The following GSTO1 variants were observed in gnomAD, a reference collection of about 807,000 sequenced individuals.
GSTO1 encodes glutathione S-transferase omega 1, also known as glutathione S-transferase omega-1.
Under a neutral mutation model 23.8 loss-of-function variants are expected in GSTO1, and 27 were observed. The observed-to-expected ratio is 1.13, with a 90% CI of 0.83 to 1.56. GSTO1 has a LOEUF of 1.56. GSTO1 is among the 40% of genes most tolerant of loss of function. The pLI, the probability that GSTO1 is intolerant of heterozygous loss-of-function variation, is 0.00. For missense variants in GSTO1, 255 were observed against 285.8 expected (o/e 0.89, Z 0.78); for synonymous variants, 105 against 109.3 (o/e 0.96, Z 0.25).
At chr10:104,256,357 C>T (rs1268184069) in intron 2 of GSTO1, among the ~76,000 whole-genome samples, 1 of 152,100 alleles carries the variant, frequency 6.6e-6, no homozygotes, top group African/African-American at 2.4e-5. Context: ...TTTTGGTACT[C>T]ATTTATTTGA....
chr10:104,260,885 G>T (rs1219434424), intron 3 of GSTO1, among the ~76,000 whole-genome samples: 1 of 152,332 alleles, frequency 6.6e-6, no homozygotes, highest in African/African-American at 2.4e-5. Flanking sequence ...AGAGGCGGCT[G>T]CTGTGAAAGA....
At chr10:104,260,949 G>A (rs2011134371) in intron 3 of GSTO1, among the ~76,000 whole-genome samples, 1 of 152,150 alleles carries the variant, frequency 6.6e-6, no homozygotes, top group Non-Finnish European at 1.5e-5. Context: ...GTTTTACAAA[G>A]TAGTAACAAG....
intron 5 of GSTO1, among the ~76,000 whole-genome samples, chr10:104,266,820 G>A (rs569017384): frequency 5.3e-5 from 8 of 152,026 alleles, no homozygotes; most frequent in South Asian, 2.1e-4. Flanking sequence ...CCCATTTACC[G>A]TAAGATTTCC....
rs188565725 is a variant in GSTO1 at position 104,261,080 on chromosome 10, A to G, written c.366+1282A>G. On this transcript the variant is annotated intron_variant, in intron 3 of 5. Transcript: ENST00000369713. ...CCAGTTCTGGAAAACTTTTTTTAGT[A>G]TGGCTGGAATATAAAGTGTCAGGAG... Among the ~76,000 whole-genome samples the G allele has an allele frequency of 4.1e-3, 628 of 152,338 alleles. 7 individuals carry two copies. Among genetic ancestry groups the G allele is most frequent in the African/African-American group, 0.015 (610 of 41,576 alleles).
At chr10:104,261,216 G>C (rs773316387) in intron 3 of GSTO1, among the ~76,000 whole-genome samples, 5 of 152,140 alleles carry the variant, frequency 3.3e-5, no homozygotes, top group Non-Finnish European at 7.4e-5. Context: ...TAGACATGAA[G>C]CTTTACTTTC....
At position 104,259,723 on chromosome 10, in the gene GSTO1, C is replaced by T. The variant is rs1373009716; in HGVS notation, c.291C>T (p.Tyr97=). The T allele has an allele frequency of 2.5e-6, 4 of 1,612,874 alleles. No homozygotes were observed. The change falls in exon 3 of 6, where the codon TAC becomes TAT. Residue 97 remains tyrosine (Y), a synonymous_variant. Coordinates refer to ENST00000369713, the MANE Select transcript of GSTO1 (RefSeq NM_004832.3). Reference sequence around the variant, plus strand: ...CCTGTGAGTACCTGGATGAAGCATACCCAGGGAAGAAGCTGTTGCCGGATG... The same window carrying T: ...CCTGTGAGTACCTGGATGAAGCATATCCAGGGAAGAAGCTGTTGCCGGATG... ...AITCEYLDEA[Y]PGKKLLPDDP...
upstream of GSTO1, chr10:104,254,813 C>T (rs1296673766): frequency 9.9e-7 from 1 of 1,011,316 alleles, no homozygotes; most frequent in Non-Finnish European, 1.5e-6. Flanking sequence ...CCGCCGGGGG[C>T]AGGCACTTTT....
At chr10:104,265,100 T>A (rs190235194) in intron 4 of GSTO1, among the ~76,000 whole-genome samples, 2 of 152,348 alleles carry the variant, frequency 1.3e-5, no homozygotes, top group African/African-American at 4.8e-5. Flanking sequence ...AGCTGCAGAC[T>A]GTGCATTTTA....
chr10:104,255,012 G>T (rs1347956007), intron 1 of GSTO1, 50 bp downstream of exon 1: 3 of 1,417,900 alleles, frequency 2.1e-6, no homozygotes, highest in Non-Finnish European at 2.9e-6. Flanking sequence ...ACCCCCGGCG[G>T]CATGTTCGAG....
intron 3 of GSTO1, among the ~76,000 whole-genome samples, chr10:104,260,451 C>A (rs1486809894): frequency 6.6e-6 from 1 of 152,202 alleles, no homozygotes; most frequent in Non-Finnish European, 1.5e-5. Context: ...AGAACAGAGT[C>A]TGACACATGG....
At position 104,263,017 on chromosome 10, in the gene GSTO1, TAAA is replaced by T; in HGVS notation, c.406_408del (p.Lys136del). 1.3e-6 allele frequency: 2 copies of T among 1,551,220 alleles called. No individual in the cohort carries two copies. Among genetic ancestry groups the T allele is most frequent in the Non-Finnish European group, 1.8e-6 (2 of 1,124,676 alleles). On this transcript the variant is annotated inframe_deletion, in exon 4 of 6. Coordinates refer to ENST00000369713, the MANE Select transcript of GSTO1 (RefSeq NM_004832.3). The stretch of plus-strand genomic sequence containing the variant: ...TAGGAAGCTTTATTAGAAGCCAAAA[TAAA>T]GAAGACTATGCTGGCCTAAAAGAAG...
At chr10:104,260,930 T>G (rs1313993015) in intron 3 of GSTO1, among the ~76,000 whole-genome samples, 2 of 152,122 alleles carry the variant, frequency 1.3e-5, no homozygotes, top group Admixed American at 1.3e-4. Context: ...TCAAGAACGA[T>G]GTGGGAGAGT....
Position 104,263,045 on chromosome 10 carries a change from G to C in GSTO1, c.433G>C (p.Glu145Gln), listed in dbSNP as rs777343283. 1.3e-6 allele frequency: 2 copies of C among 1,527,688 alleles called. No homozygotes were observed. Among genetic ancestry groups the C allele is most frequent in the Non-Finnish European group, 1.8e-6 (2 of 1,103,292 alleles). The allele number at this position is 1,527,688 out of a possible 1,614,324, so 94.6% of individuals were successfully genotyped here. A position where few individuals can be genotyped will look rare whatever the true frequency, so the allele number is the denominator to read the frequency against. Residue 145 changes from glutamate to glutamine, a missense_variant, in exon 4 of 6, where the codon GAA becomes CAA. Coordinates refer to ENST00000369713, the MANE Select transcript of GSTO1 (RefSeq NM_004832.3). ...NKEDYAGLKEEFRKEFTKLEE... is the reference protein window; with the variant it reads ...NKEDYAGLKEQFRKEFTKLEE... Reference sequence around the variant, plus strand: ...AGAAGACTATGCTGGCCTAAAAGAAGAATTTCGTAAAGAATTTACCAAGCT... The same window carrying C: ...AGAAGACTATGCTGGCCTAAAAGAACAATTTCGTAAAGAATTTACCAAGCT...
intron 3 of GSTO1, among the ~76,000 whole-genome samples, chr10:104,262,230 A>G (rs1052935237): frequency 6.6e-6 from 1 of 152,236 alleles, no homozygotes; most frequent in African/African-American, 2.4e-5. Flanking sequence ...TGGTGTTAGC[A>G]GTTATCTCAG....
chr10:104,254,994 T>C (rs2091594689), intron 1 of GSTO1, 32 bp downstream of exon 1: 2 of 1,585,186 alleles, frequency 1.3e-6, no homozygotes, highest in Non-Finnish European at 1.7e-6. Context: ...GAGGGGGTGA[T>C]CTCGGCGACC....
At chr10:104,260,688 T>G (rs1035120534) in intron 3 of GSTO1, among the ~76,000 whole-genome samples, 2 of 152,248 alleles carry the variant, frequency 1.3e-5, no homozygotes, top group Non-Finnish European at 2.9e-5. Flanking sequence ...TATATGCCTA[T>G]AACATTGTCA....
At chr10:104,257,402 G>A (rs1001042688) in intron 2 of GSTO1, among the ~76,000 whole-genome samples, 2 of 150,852 alleles carry the variant, frequency 1.3e-5, no homozygotes, top group East Asian at 3.9e-4. Context: ...ATGCAGTGGT[G>A]CAATCATGGC....
At chr10:104,265,989 T>A in intron 4 of GSTO1, 95 bp from the exon 5 acceptor site, 1 of 637,376 alleles carries the variant, frequency 1.6e-6, no homozygotes, top group Non-Finnish European at 2.8e-6. Flanking sequence ...TAAAAACTGC[T>A]TCTCTCACCT....
At chr10:104,262,867 G>C (rs45508299) in intron 3 of GSTO1, 112 bp from the exon 4 acceptor site, 1 of 555,800 alleles carries the variant, frequency 1.8e-6, no homozygotes, top group Non-Finnish European at 3.2e-6. Context: ...CACCCTTGGT[G>C]TTTCTAGAAC....
Sources: allele counts gnomAD v4.1 joint callset (sites outside exome capture counted in the v4.1 genomes callset), GRCh38; gene constraint gnomAD v4.1.1; transcripts MANE v1.5; gene names NCBI Gene and HGNC (gene_info 2026-07-23, HGNC 2026-07-21).